Variants in PKNOX2 observed in about 807,000 individuals in gnomAD.
PKNOX2 encodes the protein PBX/knotted 1 homeobox 2, also known as homeobox protein PKNOX2.
PKNOX2 carries 14 observed loss-of-function variants against 53.1 expected under a neutral mutation model. The observed-to-expected ratio is 0.26, with a 90% confidence interval of 0.17 to 0.41. The LOEUF (loss-of-function observed/expected upper bound fraction) is 0.41, where lower values mean the gene tolerates loss of function less well. Ranked by LOEUF, PKNOX2 falls within the 10% of genes least tolerant of loss-of-function variation. The pLI, the probability that PKNOX2 is intolerant of heterozygous loss-of-function variation, is 1.00. For missense variants in PKNOX2, 496 were observed against 602.8 expected (o/e 0.82, Z 1.85); for synonymous variants, 257 against 242.8 (o/e 1.06, Z -0.54).
intron 1 of PKNOX2, among the ~76,000 whole-genome samples, chr11:125,170,442 T>C (rs1303129067): frequency 3.3e-5 from 5 of 152,136 alleles, no homozygotes; most frequent in African/African-American, 9.7e-5. Flanking sequence ...GAGCAACAGT[T>C]GGAGGGCACA....
chr11:125,392,283 T>C (rs1954096823), intron 6 of PKNOX2, among the ~76,000 whole-genome samples: 1 of 152,228 alleles, frequency 6.6e-6, no homozygotes, highest in Admixed American at 6.5e-5. Flanking sequence ...AGAGAAATCA[T>C]GGAATTTGCC....
intron 1 of PKNOX2, among the ~76,000 whole-genome samples, chr11:125,214,825 T>G (rs1940291344): frequency 1.3e-5 from 2 of 152,038 alleles, no homozygotes; most frequent in South Asian, 4.2e-4. Flanking sequence ...GCTCAGCCCC[T>G]CCAAGGCTTC....
At chr11:125,303,289 T>C (rs1165559146) in intron 2 of PKNOX2, among the ~76,000 whole-genome samples, 1 of 152,236 alleles carries the variant, frequency 6.6e-6, no homozygotes, top group Non-Finnish European at 1.5e-5. Context: ...TGCAGGCAAG[T>C]GTTACGTCAC....
At chr11:125,284,817 C>T (rs2135871644) in intron 2 of PKNOX2, among the ~76,000 whole-genome samples, 1 of 152,266 alleles carries the variant, frequency 6.6e-6, no homozygotes, top group East Asian at 1.9e-4. Flanking sequence ...GGCCCCCCTG[C>T]TGTCCTCCAC....
intron 1 of PKNOX2, among the ~76,000 whole-genome samples, chr11:125,189,055 G>A (rs1956624743): frequency 1.3e-5 from 2 of 151,930 alleles, no homozygotes; most frequent in Non-Finnish European, 2.9e-5. Context: ...TCAACTTAGG[G>A]CAAGAGAAGG....
chr11:125,272,836 C>A (rs1052540524), intron 2 of PKNOX2, among the ~76,000 whole-genome samples: 1 of 152,132 alleles, frequency 6.6e-6, no homozygotes. Context: ...TTTCCAGAAG[C>A]GAGAGAATTG....
chr11:125,268,795 C>T (rs538640470), intron 2 of PKNOX2, among the ~76,000 whole-genome samples: 8 of 152,218 alleles, frequency 5.3e-5, no homozygotes, highest in African/African-American at 1.7e-4. Flanking sequence ...TTTAAACCCA[C>T]AAGTTGGCTG....
intron 7 of PKNOX2, 93 bp downstream of exon 7, chr11:125,398,155 C>A: frequency 7.5e-7 from 1 of 1,328,440 alleles, no homozygotes; most frequent in Non-Finnish European, 1.0e-6. Flanking sequence ...GTGACCTTCA[C>A]TGGGTTAGAC....
intron 2 of PKNOX2, among the ~76,000 whole-genome samples, chr11:125,246,722 T>C (rs1476997957): frequency 6.6e-6 from 1 of 152,204 alleles, no homozygotes; most frequent in African/African-American, 2.4e-5. Flanking sequence ...TTAGGCATGC[T>C]TGACCCTAGA....
At chr11:125,359,370 C>G (rs565086890) in intron 4 of PKNOX2, among the ~76,000 whole-genome samples, 4 of 152,242 alleles carry the variant, frequency 2.6e-5, no homozygotes, top group African/African-American at 7.2e-5. Flanking sequence ...TTTGACTCAT[C>G]AAAACAGACT....
chr11:125,215,707 G>A lies in PKNOX2; in HGVS notation c.-200-19338G>A, dbSNP rs540192940. ...GCAGAGGTTGCAGTGAGCCAAGATC[G>A]TGCCATTGTACTCCAACCTGGGCAA... On this transcript the variant is annotated intron_variant, in intron 1 of 12. Coordinates refer to ENST00000298282, the MANE Select transcript of PKNOX2 (RefSeq NM_001382323.2). Among the ~76,000 whole-genome samples, 16 of 150,044 alleles carry A rather than the reference G, an allele frequency of 1.1e-4. No homozygotes were observed. In the South Asian group the frequency reaches 3.2e-3, roughly 30 times the overall value.
intron 1 of PKNOX2, among the ~76,000 whole-genome samples, chr11:125,211,366 C>T (rs766952890): frequency 8.6e-5 from 13 of 152,046 alleles, no homozygotes; most frequent in Non-Finnish European, 1.6e-4. Flanking sequence ...TACTGAGTAC[C>T]TACTATGTAT....
chr11:125,223,510 A>G (rs1031984569), intron 1 of PKNOX2, among the ~76,000 whole-genome samples: 22 of 152,318 alleles, frequency 1.4e-4, no homozygotes, highest in African/African-American at 5.3e-4. Flanking sequence ...GATTACAGGC[A>G]TGAGCCACCA....
At chr11:125,427,501 T>C (rs1257622814) in intron 10 of PKNOX2, among the ~76,000 whole-genome samples, 1 of 152,230 alleles carries the variant, frequency 6.6e-6, no homozygotes, top group African/African-American at 2.4e-5. Flanking sequence ...CAGAAAGTTC[T>C]AAGCACCTTG....
rs990192288 is a variant in PKNOX2 at position 125,430,192 on chromosome 11, G to A, written c.1192+51G>A. On this transcript the variant is annotated intron_variant, in intron 12 of 12. Transcript: ENST00000298282. ...TAGACAAGGGCTGGGGGTGCTCCTG[G>A]AGCTTCTTCAGGTCAAGCCGTGCAA... 9.5e-6 allele frequency: 15 copies of A among 1,582,288 alleles called. No homozygotes were observed. In the African/African-American group the frequency reaches 1.5e-4, roughly 16 times the overall value.
At chr11:125,332,143 ATTCTGTGAACAATAAATGG>A (rs954700604) in intron 3 of PKNOX2, among the ~76,000 whole-genome samples, 10 of 152,128 alleles carry the variant, frequency 6.6e-5, no homozygotes, top group African/African-American at 9.7e-5. Context: ...CTTTTCATCT[ATTCTGTGAACAATAAATGG>A]TTCTGTGAAC....
At chr11:125,196,223 G>C (rs900646038) in intron 1 of PKNOX2, among the ~76,000 whole-genome samples, 6 of 152,172 alleles carry the variant, frequency 3.9e-5, no homozygotes, top group African/African-American at 1.4e-4. Flanking sequence ...CAGAGCTTGT[G>C]TATTCCCGTG....
chr11:125,382,268 C>T (rs1030519858), intron 5 of PKNOX2, among the ~76,000 whole-genome samples: 3 of 152,228 alleles, frequency 2.0e-5, no homozygotes, highest in African/African-American at 7.2e-5. Flanking sequence ...CCACACAACA[C>T]TTGTTCTCAT....
chr11:125,327,297 G>C (rs1949881242), intron 2 of PKNOX2, among the ~76,000 whole-genome samples: 1 of 152,248 alleles, frequency 6.6e-6, no homozygotes, highest in African/African-American at 2.4e-5. Context: ...AATGAACTTG[G>C]ATAGGCAGAG....
Sources: gnomAD v4.1 joint callset for allele counts (sites outside exome capture counted in the v4.1 genomes callset) on GRCh38, gnomAD v4.1.1 for gene constraint, MANE v1.5 for transcripts, NCBI Gene and HGNC (gene_info 2026-07-23, HGNC 2026-07-21) for gene names.